The following TSPAN16 variants were observed in gnomAD, a reference collection of about 807,000 sequenced individuals.
TSPAN16 encodes the protein tetraspanin 16, also known as tetraspanin-16.
A neutral mutation model predicts 25.2 loss-of-function variants in TSPAN16; 23 were observed. The observed-to-expected ratio is 0.91, with a 90% CI of 0.66 to 1.29. The LOEUF is 1.29. Ranked by LOEUF, TSPAN16 falls within the 50% of genes most tolerant of loss-of-function variation. The probability of loss-of-function intolerance (pLI) is 0.00; values close to 1 mark genes in which losing one functional copy is unlikely to be tolerated. For missense variants in TSPAN16, 272 were observed against 299.9 expected (o/e 0.91, Z 0.69); for synonymous variants, 123 against 124.4 (o/e 0.99, Z 0.08).
At chr19:11,309,123 C>T (rs552634233) in intron 5 of TSPAN16, among the ~76,000 whole-genome samples, 1 of 151,400 alleles carries the variant, frequency 6.6e-6, no homozygotes, top group Non-Finnish European at 1.5e-5. Flanking sequence ...GCAGGAGGAT[C>T]GATTGAGCCC....
At chr19:11,325,560 G>C in intron 6 of TSPAN16, 4 of 1,612,422 alleles carry the variant, frequency 2.5e-6, no homozygotes, top group Non-Finnish European at 3.4e-6. Context: ...TGTTCTCCTT[G>C]GCACTGGCTT....
At position 11,312,185 on chromosome 19, in the gene TSPAN16, C is replaced by T. The variant is rs1156708745; in HGVS notation, c.650C>T (p.Thr217Ile). 6 of 1,612,586 alleles carry T rather than the reference C, an allele frequency of 3.7e-6. No individual in the cohort carries two copies. Among genetic ancestry groups the T allele is most frequent in the Admixed American group, 1.7e-5 (1 of 59,864 alleles). The change falls in exon 6 of 7, where the codon ACC becomes ATC. Residue 217 changes from threonine to isoleucine, a missense_variant. By Grantham distance (89) the Thr-to-Ile change is moderately conservative (BLOSUM62 -1). Transcript: ENST00000590327. ...AAAATCACCAAGACTCAGAGCTTCACCCTGAGTGGGAGCTCTCTGGGAGCT... is the reference window on the plus strand; with the variant it reads ...AAAATCACCAAGACTCAGAGCTTCATCCTGAGTGGGAGCTCTCTGGGAGCT... Reference protein sequence around the residue: ...LLKITKTQSFTLSGSSLGAAV... With the variant: ...LLKITKTQSFILSGSSLGAAV...
Position 11,306,742 on chromosome 19 carries a change from G to T in TSPAN16, c.589G>T (p.Val197Phe). ...TGACGGACGCGATGTGTCTCCAAAC[G>T]TCATCCACCAGAAGGTAACTGGAGA... Reference protein sequence around the residue: ...SCDGRDVSPNVIHQKGCFHKL... With the variant: ...SCDGRDVSPNFIHQKGCFHKL... The change falls in exon 5 of 7, where the codon GTC becomes TTC. Residue 197 changes from valine (V) to phenylalanine (F), a missense_variant. Coordinates refer to ENST00000590327, the MANE Select transcript of TSPAN16 (RefSeq NM_001282509.2). 6.2e-7 allele frequency: 1 copy of T among 1,613,896 alleles called. No individual in the cohort carries two copies. Among genetic ancestry groups the T allele is most frequent in the Non-Finnish European group, 8.5e-7 (1 of 1,179,898 alleles).
At chr19:11,317,365 G>A (rs548332358), downstream of TSPAN16, among the ~76,000 whole-genome samples, 7 of 152,292 alleles carry the variant, frequency 4.6e-5, no homozygotes, top group East Asian at 1.4e-3. Flanking sequence ...ACCCATGCTG[G>A]AGTGCAGAGA....
At chr19:11,316,545 C>A (rs1467396151), downstream of TSPAN16, among the ~76,000 whole-genome samples, 1 of 152,048 alleles carries the variant, frequency 6.6e-6, no homozygotes, top group African/African-American at 2.4e-5. Flanking sequence ...TTATCAATCC[C>A]CTTTTTACCC....
At position 11,298,230 on chromosome 19, in the gene TSPAN16, A is replaced by G; in HGVS notation, c.158A>G (p.Tyr53Cys). 6.2e-7 allele frequency: 1 copy of G among 1,614,068 alleles called. No individual in the cohort carries two copies. The highest frequency in any genetic ancestry group is 8.5e-7 in the Non-Finnish European group (1 of 1,180,012). Reference sequence around the variant, plus strand: ...AATGTCCTCGGGCTGTCCTCCGCATACCTCCTTCACGTTGGCAACCTGTGC... The same window carrying G: ...AATGTCCTCGGGCTGTCCTCCGCATGCCTCCTTCACGTTGGCAACCTGTGC... ...LTNVLGLSSAYLLHVGNLCLV... is the reference protein window; with the variant it reads ...LTNVLGLSSACLLHVGNLCLV... Residue 53 changes from tyrosine to cysteine, a missense_variant, in exon 2 of 7, where the codon TAC (tyrosine) becomes TGC (cysteine). Coordinates refer to ENST00000590327, the MANE Select transcript of TSPAN16 (RefSeq NM_001282509.2).
intron 4 of TSPAN16, among the ~76,000 whole-genome samples, chr19:11,305,327 C>T (rs1041221046): frequency 1.3e-5 from 2 of 151,260 alleles, no homozygotes; most frequent in South Asian, 2.1e-4. Flanking sequence ...GTCAGCAGTT[C>T]GAGACCAGCC....
rs1357631349 is a variant in TSPAN16, at chr19:11,296,250, T to C, written c.-48T>C. ...TCTTGGGAAACAGTAGCCCAGAGGT[T>C]CAGGAAGATGTTAACTTAAATGTTC... On this transcript the variant is annotated 5_prime_UTR_variant, in exon 1 of 7. Coordinates refer to ENST00000590327, the MANE Select transcript of TSPAN16 (RefSeq NM_001282509.2). The C allele has an allele frequency of 6.3e-7, 1 of 1,587,638 alleles. No individual in the cohort carries two copies. The highest frequency in any genetic ancestry group is 8.6e-7 in the Non-Finnish European group (1 of 1,156,728).
intron 4 of TSPAN16, among the ~76,000 whole-genome samples, chr19:11,303,772 A>G (rs979395627): frequency 3.3e-5 from 5 of 150,332 alleles, no homozygotes; most frequent in Non-Finnish European, 5.9e-5. Flanking sequence ...CGTCCTTGAC[A>G]CCTGTCATTT....
chr19:11,296,226 C>A lies in TSPAN16; in HGVS notation c.-72C>A, dbSNP rs962182876. ...CGCCCCTTCCTCAGATCCCTATCAT[C>A]TTGGGAAACAGTAGCCCAGAGGTTC... On this transcript the variant is annotated 5_prime_UTR_variant, in exon 1 of 7. Coordinates refer to ENST00000590327, the MANE Select transcript of TSPAN16 (RefSeq NM_001282509.2). 3 of 1,510,286 alleles carry A rather than the reference C, an allele frequency of 2.0e-6. No individual in the cohort carries two copies. The highest frequency in any genetic ancestry group is 2.8e-6 in the Non-Finnish European group (3 of 1,090,506). 93.6% of individuals were successfully genotyped at this position (1,510,286 alleles called of 1,614,324 possible).
At chr19:11,307,110 T>C (rs1464729468) in intron 5 of TSPAN16, among the ~76,000 whole-genome samples, 3 of 140,928 alleles carry the variant, frequency 2.1e-5, no homozygotes, top group Non-Finnish European at 4.6e-5. Context: ...ACCCAGCCTT[T>C]TTATTTATTT....
intron 3 of TSPAN16, among the ~76,000 whole-genome samples, chr19:11,299,226 G>A (rs1158162822): frequency 1.3e-5 from 2 of 151,756 alleles, no homozygotes; most frequent in Non-Finnish European, 2.9e-5. Flanking sequence ...GTTGCAGTGA[G>A]CCAAGATTGC....
At chr19:11,306,482 G>T in intron 4 of TSPAN16, 122 bp from the exon 5 acceptor site, 1 of 1,199,964 alleles carries the variant, frequency 8.3e-7, no homozygotes, top group South Asian at 1.4e-5. Flanking sequence ...GTTTGTAAGA[G>T]GATGTTTAGC....
intron 5 of TSPAN16, among the ~76,000 whole-genome samples, chr19:11,311,492 A>G (rs2080692117): frequency 6.6e-6 from 1 of 152,004 alleles, no homozygotes; most frequent in African/African-American, 2.4e-5. Flanking sequence ...GTGCAGTGGC[A>G]TGATCATGGC....
chr19:11,316,958 C>T (rs1163257027), downstream of TSPAN16, among the ~76,000 whole-genome samples: 1 of 151,362 alleles, frequency 6.6e-6, no homozygotes, highest in Admixed American at 6.7e-5. Context: ...TTACAGGCGC[C>T]TGCCACCACG....
At position 11,325,580 on chromosome 19, in the gene TSPAN16, C is replaced by T. The variant is rs771796812; in HGVS notation, c.688-1214C>T. 1.1e-5 allele frequency: 18 copies of T among 1,607,350 alleles called. No individual in the cohort carries two copies. Among genetic ancestry groups the T allele is most frequent in the South Asian group, 1.1e-5 (1 of 90,930 alleles). ...TCCTTGGCACTGGCTTCAAAGAACTCGAAACCTGGATGAATGTTAAGGTGG... is the reference window on the plus strand; with the variant it reads ...TCCTTGGCACTGGCTTCAAAGAACTTGAAACCTGGATGAATGTTAAGGTGG... On this transcript the variant is annotated intron_variant, in intron 6 of 6. Transcript: ENST00000316737.
At chr19:11,312,777 T>C (rs750599675) in intron 6 of TSPAN16, among the ~76,000 whole-genome samples, 2 of 151,514 alleles carry the variant, frequency 1.3e-5, no homozygotes, top group Non-Finnish European at 2.9e-5. Context: ...AAAGATAAAA[T>C]TGACAGAACT....
downstream of TSPAN16, among the ~76,000 whole-genome samples, chr19:11,318,375 T>C (rs946635063): frequency 6.6e-6 from 1 of 151,942 alleles, no homozygotes; most frequent in African/African-American, 2.4e-5. Flanking sequence ...TTAGCCAGGA[T>C]GGTCTGGATC....
chr19:11,302,660 C>CATATAT (rs772111584), intron 4 of TSPAN16, among the ~76,000 whole-genome samples: 13 of 97,840 alleles, frequency 1.3e-4, no homozygotes, highest in African/African-American at 5.8e-4. Flanking sequence ...TATACACATA[C>CATATAT]ATATATATAT....
Sources: allele counts gnomAD v4.1 joint callset (sites outside exome capture counted in the v4.1 genomes callset), GRCh38; gene constraint gnomAD v4.1.1; transcripts MANE v1.5; gene names NCBI Gene and HGNC (gene_info 2026-07-23, HGNC 2026-07-21).